GNA11: variants seen among roughly 807,000 people sequenced by gnomAD.
GNA11 encodes guanine nucleotide-binding protein subunit alpha-11.
Under a neutral mutation model 38.2 loss-of-function variants are expected in GNA11, and 8 were observed. That is an observed-to-expected ratio of 0.21 (90% CI 0.12 to 0.38). The LOEUF is 0.38. Among genes scored for constraint, GNA11 ranks in the 10% least tolerant of loss-of-function variants. The probability of loss-of-function intolerance (pLI) is 1.00; values close to 1 mark genes in which losing one functional copy is unlikely to be tolerated. For missense variants in GNA11, 268 were observed against 516.3 expected (o/e 0.52, Z 4.66); for synonymous variants, 211 against 221.4 (o/e 0.95, Z 0.42).
intron 1 of GNA11, among the ~76,000 whole-genome samples, chr19:3,099,640 A>T (rs1271199854): frequency 6.6e-6 from 1 of 152,158 alleles, no homozygotes; most frequent in Non-Finnish European, 1.5e-5. Flanking sequence ...GGGCCTGGCC[A>T]CATCCCTCCC....
At chr19:3,113,221 C>A in intron 2 of GNA11, 109 bp from the exon 3 acceptor site, 2 of 1,034,534 alleles carry the variant, frequency 1.9e-6, no homozygotes, top group South Asian at 1.4e-5. Flanking sequence ...GCACAGCCTG[C>A]GGAATGCCGC....
At chr19:3,099,324 G>A (rs1913446759) in intron 1 of GNA11, among the ~76,000 whole-genome samples, 1 of 152,212 alleles carries the variant, frequency 6.6e-6, no homozygotes, top group Admixed American at 6.5e-5. Context: ...CGTGGAGGAT[G>A]GGAAGCCTTG....
At chr19:3,097,475 T>C (rs560442471) in intron 1 of GNA11, among the ~76,000 whole-genome samples, 2 of 152,256 alleles carry the variant, frequency 1.3e-5, no homozygotes, top group East Asian at 3.9e-4. Context: ...ATGTGGGTGG[T>C]GCTGGTTTCT....
rs189243408 is a variant in GNA11, at chr19:3,106,134, C to A, written c.137-4015C>A. 3.3e-5 allele frequency among the ~76,000 whole-genome samples: 5 copies of A among 152,092 alleles called. No individual in the cohort carries two copies. In the South Asian group the frequency reaches 8.3e-4, roughly 25 times the overall value. ...GGGTGGAGCCATGTGGGCTGAGGCC[C>A]GAGTTGGGGCTGTGGCTTTGGGGCC... On this transcript the variant is annotated intron_variant, in intron 1 of 6. Coordinates refer to ENST00000078429, the MANE Select transcript of GNA11 (RefSeq NM_002067.5).
chr19:3,115,283 T>G, intron 4 of GNA11: 1 of 501,694 alleles, frequency 2.0e-6, no homozygotes, highest in Middle Eastern at 5.4e-4. Flanking sequence ...TGTGCACCTG[T>G]GGTCCCAGCT....
At chr19:3,104,583 G>A (rs1599298889) in intron 1 of GNA11, among the ~76,000 whole-genome samples, 1 of 152,206 alleles carries the variant, frequency 6.6e-6, no homozygotes, top group Non-Finnish European at 1.5e-5. Context: ...CCATCCTGAC[G>A]GGCACTGGAG....
At chr19:3,117,636 C>A (rs45595438) in intron 4 of GNA11, 48,297 of 152,266 alleles carry the variant, frequency 0.32, 8,166 homozygotes, top group Middle Eastern at 0.38. Context: ...CCTGCCTCGG[C>A]CTCCCAAAGT....
At chr19:3,109,281 C>T (rs1913707856) in intron 1 of GNA11, among the ~76,000 whole-genome samples, 1 of 152,174 alleles carries the variant, frequency 6.6e-6, no homozygotes, top group Non-Finnish European at 1.5e-5. Flanking sequence ...GTGAGGACCC[C>T]CATGTCACCC....
intron 1 of GNA11, among the ~76,000 whole-genome samples, chr19:3,102,660 T>C (rs1599297783): frequency 1.3e-5 from 2 of 152,290 alleles, no homozygotes; most frequent in East Asian, 3.9e-4. Flanking sequence ...AATCAGGCGC[T>C]GAGGTGCTGT....
rs143755707 is a variant in GNA11, at chr19:3,121,928, G to A, written c.*749G>A. The A allele has an allele frequency of 4.5e-3, 1,058 of 232,824 alleles. No homozygotes were observed. Among genetic ancestry groups the A allele is most frequent in the African/African-American group, 0.02 (920 of 45,358 alleles). 14.4% of individuals were successfully genotyped at this position (232,824 alleles called of 1,614,324 possible). On this transcript the variant is annotated 3_prime_UTR_variant, in exon 7 of 7. Coordinates refer to ENST00000078429, the MANE Select transcript of GNA11 (RefSeq NM_002067.5). ...GCCCTCTCTCATGGCCGGGTTCCCC[G>A]TCCCTCTGCAGAGGCTGGGAAGGGT...
intron 3 of GNA11, among the ~76,000 whole-genome samples, chr19:3,113,712 G>A (rs1270403719): frequency 6.6e-6 from 1 of 152,218 alleles, no homozygotes; most frequent in Non-Finnish European, 1.5e-5. Flanking sequence ...TGGCCTGCTT[G>A]TATGCCTGGC....
chr19:3,100,710 G>C (rs1394138189), intron 1 of GNA11, among the ~76,000 whole-genome samples: 2 of 152,182 alleles, frequency 1.3e-5, no homozygotes, highest in Admixed American at 1.3e-4. Flanking sequence ...GCTGCCCTGG[G>C]CTGGCCAGCA....
At chr19:3,116,536 C>G (rs1276790278) in intron 4 of GNA11, among the ~76,000 whole-genome samples, 2 of 152,244 alleles carry the variant, frequency 1.3e-5, no homozygotes, top group Non-Finnish European at 1.5e-5. Flanking sequence ...CAGCGTCCTC[C>G]CCGCCTGCGC....
At chr19:3,118,809 C>A in intron 4 of GNA11, 115 bp from the exon 5 acceptor site, 2 of 977,098 alleles carry the variant, frequency 2.0e-6, no homozygotes, top group Non-Finnish European at 3.2e-6. Flanking sequence ...GCTCTTCCTG[C>A]TCCAGCCGAT....
At chr19:3,114,413 C>T (rs1318923154) in intron 3 of GNA11, among the ~76,000 whole-genome samples, 1 of 152,214 alleles carries the variant, frequency 6.6e-6, no homozygotes, top group Non-Finnish European at 1.5e-5. Flanking sequence ...ACTTCAGTAG[C>T]TGCGCTGTGT....
chr19:3,117,876 G>T (rs1913964971), intron 4 of GNA11: 1 of 152,338 alleles, frequency 6.6e-6, no homozygotes, highest in Non-Finnish European at 1.5e-5. Flanking sequence ...TCCCTCAGGT[G>T]GGGACAAGAC....
intron 1 of GNA11, among the ~76,000 whole-genome samples, chr19:3,098,080 A>G (rs1376864544): frequency 1.3e-5 from 2 of 152,238 alleles, no homozygotes; most frequent in African/African-American, 4.8e-5. Flanking sequence ...GAGTGCTTAT[A>G]GAGTATTTTT....
At chr19:3,095,495 C>T (rs1254639781) in intron 1 of GNA11, among the ~76,000 whole-genome samples, 1 of 150,768 alleles carries the variant, frequency 6.6e-6, no homozygotes, top group African/African-American at 2.5e-5. Flanking sequence ...TCCATGCAGG[C>T]CCTGTACCCT....
At chr19:3,103,388 T>C (rs1384357204) in intron 1 of GNA11, among the ~76,000 whole-genome samples, 9 of 151,396 alleles carry the variant, frequency 5.9e-5, no homozygotes, top group Non-Finnish European at 1.3e-4. Flanking sequence ...AATTTTTGTA[T>C]TTTTAGTGGA....
Sources: gnomAD v4.1 joint callset for allele counts (sites outside exome capture counted in the v4.1 genomes callset) on GRCh38, gnomAD v4.1.1 for gene constraint, MANE v1.5 for transcripts, NCBI Gene and HGNC (gene_info 2026-07-23, HGNC 2026-07-21) for gene names.